ANGPT2: variants seen among roughly 807,000 people sequenced by gnomAD.
ANGPT2 encodes angiopoietin 2, also known as angiopoietin-2.
In ANGPT2, 28 loss-of-function variants were observed where a neutral mutation model predicts 62.9. That is an observed-to-expected ratio of 0.44 (90% confidence interval 0.33 to 0.61). ANGPT2 has a LOEUF of 0.61. Among genes scored for constraint, ANGPT2 ranks in the 20% least tolerant of loss-of-function variants. The pLI is 0.03. For missense variants in ANGPT2, 727 were observed against 594.9 expected (o/e 1.22, Z -2.31); for synonymous variants, 284 against 207.8 (o/e 1.37, Z -3.15).
At chr8:6,510,179 A>G (rs750289827) in intron 7 of ANGPT2, among the ~76,000 whole-genome samples, 35 of 149,034 alleles carry the variant, frequency 2.3e-4, no homozygotes, top group South Asian at 2.1e-3. Context: ...TTTATTTTCC[A>G]TAACTATGCT....
rs1812169326 is a variant in ANGPT2, at chr8:6,501,496, A to T, written c.*1605T>A. On this transcript the variant is annotated 3_prime_UTR_variant, in exon 9 of 9. Coordinates refer to ENST00000629816, the MANE Select transcript of ANGPT2 (RefSeq NM_001118887.2). ...TTTCAAAAGGAGTTAAAACTCCAGG[A>T]GTTTATGGTTTTGTAGTCCCGAGTA... 1 of 151,686 alleles carries T rather than the reference A, an allele frequency of 6.6e-6. No individual in the cohort carries two copies. The highest frequency in any genetic ancestry group is 2.1e-4 in the South Asian group (1 of 4,790). 9.4% of individuals were successfully genotyped at this position (151,686 alleles called of 1,614,324 possible). A position where few individuals can be genotyped will look rare whatever the true frequency, so the allele number is the denominator to read the frequency against.
At chr8:6,514,815 C>A in intron 5 of ANGPT2, 37 bp from the exon 6 acceptor site, 1 of 1,552,110 alleles carries the variant, frequency 6.4e-7, no homozygotes. Flanking sequence ...TGACAGAGCC[C>A]CCCCACTCCC....
intron 2 of ANGPT2, among the ~76,000 whole-genome samples, chr8:6,528,696 C>G (rs1348609867): frequency 6.6e-6 from 1 of 152,230 alleles, no homozygotes; most frequent in African/African-American, 2.4e-5. Context: ...CTCACTTCCT[C>G]CATGTCATGC....
At chr8:6,527,897 C>CCATTTTTTTTT (rs1818650933) in intron 2 of ANGPT2, among the ~76,000 whole-genome samples, 1 of 105,954 alleles carries the variant, frequency 9.4e-6, no homozygotes, top group Non-Finnish European at 2.3e-5. Context: ...CCCCACGTCT[C>CCATTTTTTTTT]TATTTTTTTT....
intron 1 of ANGPT2, among the ~76,000 whole-genome samples, chr8:6,547,458 C>T (rs1159765408): frequency 6.6e-6 from 1 of 152,174 alleles, no homozygotes; most frequent in East Asian, 1.9e-4. Flanking sequence ...GCATGCCATT[C>T]AGAACTGACG....
Position 6,532,439 on chromosome 8 carries a change from G to T in ANGPT2, c.337C>A (p.Gln113Lys). 1 of 1,613,912 alleles carries T rather than the reference G, an allele frequency of 6.2e-7. No homozygotes were observed. The highest frequency in any genetic ancestry group is 1.1e-5 in the South Asian group (1 of 91,042). ...DNMKKEMVEI[Q>K]QNAVQNQTAV... ...GTCTGGTTCTGTACTGCATTCTGCT[G>T]TATCTCTACCATTTCTTTCTTCATG... The change falls in exon 2 of 9, where the codon CAG becomes AAG. Residue 113 changes from glutamine (Q) to lysine (K), a missense_variant. Coordinates refer to ENST00000629816, the MANE Select transcript of ANGPT2 (RefSeq NM_001118887.2).
At chr8:6,505,301 A>ATATTC (rs1563305863) in intron 8 of ANGPT2, among the ~76,000 whole-genome samples, 20 of 80,422 alleles carry the variant, frequency 2.5e-4, no homozygotes, top group African/African-American at 3.3e-4. Flanking sequence ...ATACATATAT[A>ATATTC]TGTATATAAC....
chr8:6,514,474 C>T lies in ANGPT2; in HGVS notation c.1029+203G>A, dbSNP rs1815836130. ...AAAGTGCTGGGATTACAGGCGTGAG[C>T]CAGCACGTCTGGCTGCAGCTTTTGT... is the stretch of plus-strand genomic sequence containing the variant. On this transcript the variant is annotated intron_variant, in intron 6 of 8. Coordinates refer to ENST00000629816, the MANE Select transcript of ANGPT2 (RefSeq NM_001118887.2). Among the ~76,000 whole-genome samples the T allele has an allele frequency of 2.0e-5, 3 of 152,184 alleles. No homozygotes were observed. In the South Asian group the frequency reaches 6.2e-4, roughly 32 times the overall value.
intron 3 of ANGPT2, among the ~76,000 whole-genome samples, chr8:6,522,853 A>C (rs1483723974): frequency 6.6e-6 from 1 of 152,118 alleles, no homozygotes; most frequent in Non-Finnish European, 1.5e-5. Flanking sequence ...TGGCAGGGGC[A>C]GAATACAATC....
intron 1 of ANGPT2, among the ~76,000 whole-genome samples, chr8:6,537,813 T>C (rs1820778814): frequency 6.6e-6 from 1 of 152,142 alleles, no homozygotes; most frequent in African/African-American, 2.4e-5. Flanking sequence ...AGATAATATA[T>C]GAAAACTATC....
At chr8:6,529,371 G>A (rs889238794) in intron 2 of ANGPT2, among the ~76,000 whole-genome samples, 1 of 151,936 alleles carries the variant, frequency 6.6e-6, no homozygotes, top group African/African-American at 2.4e-5. Flanking sequence ...CACAAAATCA[G>A]TAACTGCTCA....
chr8:6,535,659 G>T (rs1303230337), intron 1 of ANGPT2, among the ~76,000 whole-genome samples: 2 of 152,178 alleles, frequency 1.3e-5, no homozygotes, highest in Non-Finnish European at 2.9e-5. Context: ...AAAATTCTGT[G>T]TGATACTGAC....
chr8:6,530,251 T>C (rs2129571336), intron 2 of ANGPT2, among the ~76,000 whole-genome samples: 1 of 152,198 alleles, frequency 6.6e-6, no homozygotes, highest in African/African-American at 2.4e-5. Flanking sequence ...CTCACGCCTG[T>C]GATCCCAGCA....
intron 7 of ANGPT2, among the ~76,000 whole-genome samples, chr8:6,511,784 T>C (rs945278159): frequency 1.2e-4 from 18 of 152,246 alleles, no homozygotes; most frequent in African/African-American, 4.1e-4. Context: ...AAAGGAAATA[T>C]CTGTTAAGAA....
Position 6,519,920 on chromosome 8 carries a change from G to T in ANGPT2, c.871C>A (p.His291Asn). 6.2e-7 allele frequency: 1 copy of T among 1,613,630 alleles called. No homozygotes were observed. The highest frequency in any genetic ancestry group is 8.5e-7 in the Non-Finnish European group (1 of 1,179,788). Reference sequence around the variant, plus strand: ...AACGTGTAGATGCCATTCGTGGTGTGTCCTGATTTGAATACTTCAGCACAG... The same window carrying T: ...AACGTGTAGATGCCATTCGTGGTGTTTCCTGATTTGAATACTTCAGCACAG... Reference protein sequence around the residue: ...RDCAEVFKSGHTTNGIYTLTF... With the variant: ...RDCAEVFKSGNTTNGIYTLTF... Residue 291 changes from histidine (H) to asparagine (N), a missense_variant, in exon 5 of 9, where the codon CAC (histidine) becomes AAC (asparagine). Coordinates refer to ENST00000629816, the MANE Select transcript of ANGPT2 (RefSeq NM_001118887.2).
intron 1 of ANGPT2, among the ~76,000 whole-genome samples, chr8:6,555,182 C>A (rs1482002498): frequency 6.6e-6 from 1 of 152,102 alleles, no homozygotes; most frequent in African/African-American, 2.4e-5. Context: ...TTAACATAAT[C>A]CAAGTGCCAG....
At position 6,500,892 on chromosome 8, in the gene ANGPT2, T is replaced by G. The variant is rs972805952; in HGVS notation, c.*2209A>C. The G allele has an allele frequency of 2.0e-5, 3 of 152,156 alleles. No homozygotes were observed. Among genetic ancestry groups the G allele is most frequent in the South Asian group, 4.1e-4 (2 of 4,820 alleles). The allele number at this position is 152,156 out of a possible 1,614,324, so 9.4% of individuals were successfully genotyped here. A position where few individuals can be genotyped will look rare whatever the true frequency, so the allele number is the denominator to read the frequency against. ...TTTTATCACCTGCCTACAAAGAGAATTGATATAAATTGTGTTGTTGCCAGT... is the reference window on the plus strand; with the variant it reads ...TTTTATCACCTGCCTACAAAGAGAAGTGATATAAATTGTGTTGTTGCCAGT... On this transcript the variant is annotated 3_prime_UTR_variant, in exon 9 of 9. Transcript: ENST00000629816.
rs200029751 is a variant in ANGPT2, at chr8:6,529,453, C to CT, written c.445-1778dup. ...GCCTTCCTTAAGCTCAGCCATTTTT[C>CT]TTTTTTTTTTTTTTTTGAGACAGAG... On this transcript the variant is annotated intron_variant, in intron 2 of 8. Transcript: ENST00000629816. Among the ~76,000 whole-genome samples, 847 of 136,006 alleles carry CT rather than the reference C, an allele frequency of 6.2e-3. 7 individuals carry two copies. Among genetic ancestry groups the CT allele is most frequent in the East Asian group, 0.02 (96 of 4,730 alleles). The allele number at this position is 136,006 out of a possible 152,430, so 89.2% of individuals were successfully genotyped here.
At position 6,521,295 on chromosome 8, in the gene ANGPT2, C is replaced by G; in HGVS notation, c.682G>C (p.Glu228Gln). 1 of 1,613,690 alleles carries G rather than the reference C, an allele frequency of 6.2e-7. No individual in the cohort carries two copies. Among genetic ancestry groups the G allele is most frequent in the African/African-American group, 1.3e-5 (1 of 74,984 alleles). The change falls in exon 4 of 9, where the codon GAA becomes CAA. Residue 228 changes from glutamate (E) to glutamine (Q), a missense_variant. Physicochemically the swap from Glu to Gln is conservative, Grantham distance 29. Coordinates refer to ENST00000629816, the MANE Select transcript of ANGPT2 (RefSeq NM_001118887.2). Reference protein sequence around the residue: ...VLVSKQNSIIEELEKKIVTAT... With the variant: ...VLVSKQNSIIQELEKKIVTAT... ...GTCACTATTTTTTTTTCTAGTTCTT[C>G]AATGATGGAATTTTGCTTGGATACT...
Sources: gnomAD v4.1 joint callset for allele counts (sites outside exome capture counted in the v4.1 genomes callset) on GRCh38, gnomAD v4.1.1 for gene constraint, MANE v1.5 for transcripts, NCBI Gene and HGNC (gene_info 2026-07-23, HGNC 2026-07-21) for gene names.